TMEM272: variants seen among roughly 807,000 people sequenced by gnomAD.
TMEM272 encodes the protein long intergenic non-protein coding RNA 282.
TMEM272 carries 8 observed loss-of-function variants against 3.7 expected under a neutral mutation model. The observed-to-expected ratio is 2.17, with a 90% CI of 1.27 to 3.91. TMEM272 has a LOEUF of 3.91. Among genes scored for constraint, TMEM272 ranks in the 30% most tolerant of loss-of-function variants. The pLI is 0.00. For missense variants in TMEM272, 166 were observed against 91.5 expected (o/e 1.81, Z -3.32); for synonymous variants, 63 against 39.8 (o/e 1.58, Z -2.20).
At chr13:51,904,533 G>T in the TMEM272 span, among the ~76,000 whole-genome samples, 1 of 152,164 alleles carries the variant, frequency 6.6e-6, no homozygotes, top group Non-Finnish European at 1.5e-5. Flanking sequence ...GGAATTCATG[G>T]TATGGACGTG....
the TMEM272 span, among the ~76,000 whole-genome samples, chr13:51,875,858 CTT>C: frequency 6.6e-6 from 1 of 152,166 alleles, no homozygotes. Context: ...AGACAGCTGT[CTT>C]TTCCTCCCTA....
chr13:51,903,613 G>A, the TMEM272 span, among the ~76,000 whole-genome samples: 1 of 152,136 alleles, frequency 6.6e-6, no homozygotes, highest in African/African-American at 2.4e-5. Flanking sequence ...AGGAGACCCT[G>A]AGCATCTAAT....
rs1018453539 is a variant in TMEM272 at position 51,815,505 on chromosome 13, G to A, written c.*1246C>T. 1 of 152,506 alleles carries A rather than the reference G, an allele frequency of 6.6e-6. No individual in the cohort carries two copies. The highest frequency in any genetic ancestry group is 6.5e-5 in the Admixed American group (1 of 15,276). The allele number at this position is 152,506 out of a possible 1,614,324, so 9.4% of individuals were successfully genotyped here. On this transcript the variant is annotated 3_prime_UTR_variant, in exon 5 of 5. Transcript: ENST00000629372. ...TCCATTCATGGCCACTCAGGGATTGGTTTGATGAGAAAGCACGAAAACATA... is the reference window on the plus strand; with the variant it reads ...TCCATTCATGGCCACTCAGGGATTGATTTGATGAGAAAGCACGAAAACATA...
At chr13:51,887,474 C>T in the TMEM272 span, among the ~76,000 whole-genome samples, 1 of 152,222 alleles carries the variant, frequency 6.6e-6, no homozygotes, top group Admixed American at 6.5e-5. Context: ...GATATTAACA[C>T]AATTTTTCAT....
the TMEM272 span, among the ~76,000 whole-genome samples, chr13:51,902,854 A>G: frequency 2.0e-5 from 3 of 152,266 alleles, no homozygotes; most frequent in African/African-American, 7.2e-5. Context: ...TAACTAACAC[A>G]GCCCTGACAG....
the TMEM272 span, among the ~76,000 whole-genome samples, chr13:51,854,588 C>T: frequency 6.6e-6 from 1 of 152,166 alleles, no homozygotes; most frequent in African/African-American, 2.4e-5. Flanking sequence ...GAGGTATGGT[C>T]TCTGAGCAAA....
intron 3 of TMEM272, among the ~76,000 whole-genome samples, chr13:51,823,449 T>C (rs913694844): frequency 6.6e-6 from 1 of 152,260 alleles, no homozygotes; most frequent in African/African-American, 2.4e-5. Context: ...CTGGAAACCA[T>C]GGGTGGAGAT....
At chr13:51,876,455 C>T in the TMEM272 span, among the ~76,000 whole-genome samples, 2 of 152,194 alleles carry the variant, frequency 1.3e-5, no homozygotes, top group African/African-American at 4.8e-5. Context: ...ATAATCATTA[C>T]CTATGCACAG....
the TMEM272 span, among the ~76,000 whole-genome samples, chr13:51,895,056 G>A: frequency 6.6e-6 from 1 of 152,110 alleles, no homozygotes; most frequent in Non-Finnish European, 1.5e-5. Context: ...ACAGGAGGTG[G>A]AGCTCAGGTG....
intron 4 of TMEM272, among the ~76,000 whole-genome samples, chr13:51,817,581 G>A (rs1272748047): frequency 6.6e-6 from 1 of 152,140 alleles, no homozygotes; most frequent in African/African-American, 2.4e-5. Context: ...GTACTTCCAG[G>A]CCATGTAACA....
chr13:51,919,803 C>T, the TMEM272 span, among the ~76,000 whole-genome samples: 32 of 152,374 alleles, frequency 2.1e-4, 1 homozygote, highest in South Asian at 2.3e-3. Flanking sequence ...CACCTGCCAC[C>T]GTCCCTGTGA....
chr13:51,884,916 T>C, the TMEM272 span, among the ~76,000 whole-genome samples: 1 of 152,190 alleles, frequency 6.6e-6, no homozygotes, highest in Non-Finnish European at 1.5e-5. Context: ...ATGAGGAAGT[T>C]ATAGCTAGTC....
chr13:51,918,861 T>C, the TMEM272 span, among the ~76,000 whole-genome samples: 1 of 146,346 alleles, frequency 6.8e-6, no homozygotes, highest in Admixed American at 7.1e-5. Flanking sequence ...TTGCCCAGGC[T>C]GGTCTCGAAC....
intron 2 of TMEM272, among the ~76,000 whole-genome samples, chr13:51,836,747 T>A (rs1037596967): frequency 1.3e-5 from 2 of 152,154 alleles, no homozygotes; most frequent in Admixed American, 1.3e-4. Flanking sequence ...AACCTTTATC[T>A]GAGGGGGCAG....
the TMEM272 span, among the ~76,000 whole-genome samples, chr13:51,905,095 C>T: frequency 6.6e-6 from 1 of 152,278 alleles, no homozygotes; most frequent in South Asian, 2.1e-4. Flanking sequence ...GTCAAAAGCA[C>T]CCTCGTTGAG....
At chr13:51,868,479 T>G in the TMEM272 span, among the ~76,000 whole-genome samples, 1 of 152,254 alleles carries the variant, frequency 6.6e-6, no homozygotes, top group Non-Finnish European at 1.5e-5. Context: ...TCACCTGACC[T>G]TCAGCATTGT....
At chr13:51,929,959 G>A in the TMEM272 span, among the ~76,000 whole-genome samples, 5 of 152,342 alleles carry the variant, frequency 3.3e-5, no homozygotes, top group South Asian at 6.2e-4. Context: ...TGAGGCCACT[G>A]CAGCACCTCT....
At chr13:51,880,148 T>C in the TMEM272 span, among the ~76,000 whole-genome samples, 1 of 152,112 alleles carries the variant, frequency 6.6e-6, no homozygotes. Context: ...ACATTAGTAA[T>C]AGAACATGCA....
At chr13:51,827,895 T>TA (rs1956141322) in intron 2 of TMEM272, among the ~76,000 whole-genome samples, 5 of 152,174 alleles carry the variant, frequency 3.3e-5, no homozygotes, top group Non-Finnish European at 7.3e-5. Flanking sequence ...ATTGGGAGAT[T>TA]TACTGAGAGT....
Sources: gnomAD v4.1 joint callset for allele counts (sites outside exome capture counted in the v4.1 genomes callset) on GRCh38, gnomAD v4.1.1 for gene constraint, MANE v1.5 for transcripts, NCBI Gene and HGNC (gene_info 2026-07-23, HGNC 2026-07-21) for gene names.